DEF6: variants seen among roughly 807,000 people sequenced by gnomAD.
DEF6 encodes DEF6 guanine nucleotide exchange factor.
Under a neutral mutation model 80.5 loss-of-function variants are expected in DEF6, and 32 were observed. That is an observed-to-expected ratio of 0.40 (90% CI 0.30 to 0.53). The LOEUF (loss-of-function observed/expected upper bound fraction) is 0.53. DEF6 is among the 20% of genes least tolerant of loss of function. The pLI is 0.57. For synonymous variants in DEF6, 300 were observed against 337.9 expected (o/e 0.89, Z 1.23); for missense variants, 575 against 818.7 (o/e 0.70, Z 3.63).
rs1791545022 is a variant in DEF6, at chr6:35,318,213, G to C, written c.957G>C (p.Thr319=). 6.3e-7 allele frequency: 1 copy of C among 1,591,342 alleles called. No individual in the cohort carries two copies. Among genetic ancestry groups the C allele is most frequent in the Non-Finnish European group, 8.5e-7 (1 of 1,169,986 alleles). The change falls in exon 7 of 11, where the codon ACG becomes ACC. Residue 319 remains threonine (T), a synonymous_variant. Transcript: ENST00000316637. This position sits in a 1 kb window ranked among gnomAD's most constrained non-coding sequence, Gnocchi z 5.1. ...TCCGGCTGCAGGCCGAGGGGAAGACGTCCCTACACAAGGACCTGAAGCAGA... is the reference window on the plus strand; with the variant it reads ...TCCGGCTGCAGGCCGAGGGGAAGACCTCCCTACACAAGGACCTGAAGCAGA... ...MAIRLQAEGK[T]SLHKDLKQKR...
At position 35,312,473 on chromosome 6, in the gene DEF6, C is replaced by A. The variant is rs764306600; in HGVS notation, c.595C>A (p.Arg199=). Residue 199 remains arginine (R), a synonymous_variant, in exon 4 of 11, where the codon CGG becomes AGG. Coordinates refer to ENST00000316637, the MANE Select transcript of DEF6 (RefSeq NM_022047.4). The surrounding 1 kb of genome is among the most constrained non-coding windows in gnomAD (Gnocchi z 6.6). The part of the protein sequence containing the change: ...NSGRCLRGVG[R]DTLSMAIHEV... Reference sequence around the variant, plus strand: ...GGGCCGCTGCCTGCGGGGCGTGGGCCGGGACACCCTCAGCATGGCCATCCA... The same window carrying A: ...GGGCCGCTGCCTGCGGGGCGTGGGCAGGGACACCCTCAGCATGGCCATCCA... 6.2e-7 allele frequency: 1 copy of A among 1,614,014 alleles called. No homozygotes were observed. The highest frequency in any genetic ancestry group is 8.5e-7 in the Non-Finnish European group (1 of 1,180,032).
chr6:35,311,847 C>G (rs1299288507), intron 3 of DEF6, among the ~76,000 whole-genome samples: 1 of 152,210 alleles, frequency 6.6e-6, no homozygotes, highest in Non-Finnish European at 1.5e-5. Context: ...GAATAAGGAC[C>G]TGAATGGGAT....
rs751314580 is a variant in DEF6 at position 35,319,575 on chromosome 6, C to T, written c.1267C>T (p.Arg423Trp). ...EMELKEEEAA[R>W]QRQRIKELEE... ...GGAGCTGAAGGAGGAGGAGGCTGCC[C>T]GGCAGCGGCAGCGCATCAAGGAGCT... Residue 423 changes from arginine to tryptophan, a missense_variant, in exon 8 of 11, where the codon CGG becomes TGG. Arg to Trp is a moderately radical substitution (Grantham distance 101). Coordinates refer to ENST00000316637, the MANE Select transcript of DEF6 (RefSeq NM_022047.4). The surrounding 1 kb of genome is among the most constrained non-coding windows in gnomAD (Gnocchi z 4.5). 7 of 1,613,634 alleles carry T rather than the reference C, an allele frequency of 4.3e-6. No homozygotes were observed. The highest frequency in any genetic ancestry group is 2.7e-5 in the African/African-American group (2 of 74,852).
intron 5 of DEF6, among the ~76,000 whole-genome samples, chr6:35,315,637 A>C (rs1400844859): frequency 6.6e-6 from 1 of 151,924 alleles, no homozygotes; most frequent in Non-Finnish European, 1.5e-5. Context: ...TCAGTTTTAT[A>C]GTTTTTCTTG....
intron 5 of DEF6, among the ~76,000 whole-genome samples, chr6:35,313,956 C>A (rs949960906): frequency 1.3e-5 from 2 of 152,144 alleles, no homozygotes; most frequent in South Asian, 4.1e-4. Context: ...TAGATATATA[C>A]CCAGCAGTGG....
At chr6:35,320,141 C>A in intron 9 of DEF6, 124 bp downstream of exon 9, 2 of 900,414 alleles carry the variant, frequency 2.2e-6, no homozygotes, top group Non-Finnish European at 3.3e-6. Flanking sequence ...TGACTTTGGA[C>A]AAATGCCCAA....
rs117402312 is a variant in DEF6, at chr6:35,304,755, C to T, written c.97-4915C>T. On this transcript the variant is annotated intron_variant, in intron 1 of 10. Coordinates refer to ENST00000316637, the MANE Select transcript of DEF6 (RefSeq NM_022047.4). ...GGTTGAGATTAGAGTCATTGCTGCC[C>T]TCAAGGAATGTAGAACACCCAGAAA... 2.0e-5 allele frequency among the ~76,000 whole-genome samples: 3 copies of T among 152,070 alleles called. No homozygotes were observed. The East Asian group carries it at 5.8e-4, about 30-fold the overall frequency.
intron 1 of DEF6, among the ~76,000 whole-genome samples, chr6:35,303,204 G>A (rs887570166): frequency 2.0e-5 from 3 of 152,042 alleles, no homozygotes; most frequent in Admixed American, 2.0e-4. Context: ...CTCTGCCCTG[G>A]GTTCTTCAGG....
At chr6:35,298,069 C>G in intron 1 of DEF6, 117 bp downstream of exon 1, 10 of 942,368 alleles carry the variant, frequency 1.1e-5, no homozygotes, top group Non-Finnish European at 1.6e-5. Flanking sequence ...TCCAGCGTCC[C>G]GGGCCTGGGG....
intron 9 of DEF6, 126 bp from the exon 10 acceptor site, chr6:35,320,758 G>T (rs539967162): frequency 2.9e-5 from 23 of 781,350 alleles, no homozygotes; most frequent in Non-Finnish European, 4.1e-5. Context: ...AGCATATATG[G>T]TTTTTCTCTG....
intron 9 of DEF6, among the ~76,000 whole-genome samples, chr6:35,320,343 G>A (rs1204150944): frequency 5.3e-5 from 8 of 152,130 alleles, no homozygotes; most frequent in Admixed American, 5.2e-4. Context: ...TGCTATCCTT[G>A]TACTTTGGCT....
chr6:35,308,732 A>G (rs536259097), intron 1 of DEF6, among the ~76,000 whole-genome samples: 1 of 143,918 alleles, frequency 6.9e-6, no homozygotes. Flanking sequence ...TAAAATAAAT[A>G]AAATAATAAA....
intron 1 of DEF6, among the ~76,000 whole-genome samples, chr6:35,303,335 A>T (rs960261185): frequency 2.0e-5 from 3 of 152,104 alleles, no homozygotes; most frequent in African/African-American, 7.2e-5. Flanking sequence ...GAGGGCATTC[A>T]TAGGTCCTCT....
At position 35,312,876 on chromosome 6, in the gene DEF6, A is replaced by G. The variant is rs1440629397; in HGVS notation, c.807+104A>G. On this transcript the variant is annotated intron_variant, in intron 5 of 10. Coordinates refer to ENST00000316637, the MANE Select transcript of DEF6 (RefSeq NM_022047.4). This position sits in a 1 kb window ranked among gnomAD's most constrained non-coding sequence, Gnocchi z 6.6. ...AGAGGGGCAAATGGAGAAAAGCCACAGTGACACAAATTCCTGCTTAGATTA... is the reference window on the plus strand; with the variant it reads ...AGAGGGGCAAATGGAGAAAAGCCACGGTGACACAAATTCCTGCTTAGATTA... 7.4e-7 allele frequency: 1 copy of G among 1,344,724 alleles called. No homozygotes were observed. The highest frequency in any genetic ancestry group is 1.5e-5 in the African/African-American group (1 of 68,826). 83.3% of individuals were successfully genotyped at this position (1,344,724 alleles called of 1,614,324 possible).
chr6:35,305,368 T>C (rs1167251980), intron 1 of DEF6, among the ~76,000 whole-genome samples: 1 of 151,838 alleles, frequency 6.6e-6, no homozygotes, highest in African/African-American at 2.4e-5. Context: ...CACATGCCTG[T>C]AGTCCCAATT....
intron 1 of DEF6, among the ~76,000 whole-genome samples, chr6:35,306,146 G>A (rs183565915): frequency 2.0e-5 from 3 of 151,300 alleles, no homozygotes; most frequent in Admixed American, 6.6e-5. Context: ...CACCTGCCTC[G>A]GCCTCCCAAA....
rs1054655834 is a variant in DEF6, at chr6:35,309,819, C to T, written c.237+9C>T. On this transcript the variant is annotated intron_variant, in intron 2 of 10. Transcript: ENST00000316637. Reference sequence around the variant, plus strand: ...AGTACATCCTGGACAAGGTGGGGCCCAGCTTGTAGGGAGCATCTGTAACCT... The same window carrying T: ...AGTACATCCTGGACAAGGTGGGGCCTAGCTTGTAGGGAGCATCTGTAACCT... The T allele has an allele frequency of 6.2e-7, 1 of 1,613,594 alleles. No homozygotes were observed. The highest frequency in any genetic ancestry group is 1.3e-5 in the African/African-American group (1 of 74,982).
In DEF6 at chr6:35,321,617, A is replaced by T. The variant is rs1483886668; in HGVS notation, c.*207A>T. The T allele has an allele frequency of 4.2e-6, 2 of 478,354 alleles. No homozygotes were observed. Among genetic ancestry groups the T allele is most frequent in the Non-Finnish European group, 7.3e-6 (2 of 272,400 alleles). The allele number at this position is 478,354 out of a possible 1,614,324, so 29.6% of individuals were successfully genotyped here. Reference sequence around the variant, plus strand: ...CCCCAGACCATGGGAGCTGTCTGGGATGTTGATCCTTGAGAACTTGGCCCT... The same window carrying T: ...CCCCAGACCATGGGAGCTGTCTGGGTTGTTGATCCTTGAGAACTTGGCCCT... On this transcript the variant is annotated 3_prime_UTR_variant, in exon 11 of 11. Coordinates refer to ENST00000316637, the MANE Select transcript of DEF6 (RefSeq NM_022047.4).
chr6:35,321,434 C>G lies in DEF6; in HGVS notation c.*24C>G, dbSNP rs746454968. The stretch of plus-strand genomic sequence containing the variant: ...AGCCTCTCTTAGCCCCTTGTTCTTC[C>G]CAATGTCATATCCACCAGGACCTGG... On this transcript the variant is annotated 3_prime_UTR_variant, in exon 11 of 11. Coordinates refer to ENST00000316637, the MANE Select transcript of DEF6 (RefSeq NM_022047.4). 6.3e-7 allele frequency: 1 copy of G among 1,596,752 alleles called. No homozygotes were observed. Among genetic ancestry groups the G allele is most frequent in the Non-Finnish European group, 8.6e-7 (1 of 1,166,104 alleles).
Sources: allele counts gnomAD v4.1 joint callset (sites outside exome capture counted in the v4.1 genomes callset), GRCh38; gene constraint gnomAD v4.1.1; non-coding constraint Gnocchi (gnomAD v3.1); transcripts MANE v1.5; gene names NCBI Gene and HGNC (gene_info 2026-07-23, HGNC 2026-07-21).